The following ATP10B variants were observed in gnomAD, a reference collection of about 807,000 sequenced individuals.
The protein encoded by ATP10B is phospholipid-transporting ATPase VB.
In ATP10B, 122 loss-of-function variants were observed where a neutral mutation model predicts 141.2. The observed-to-expected ratio is 0.86, with a 90% confidence interval of 0.75 to 1.00. ATP10B has a LOEUF of 1.00. Among genes scored for constraint, ATP10B ranks in the 50% least tolerant of loss-of-function variants. The pLI is 0.00. For missense variants in ATP10B, 1,876 were observed against 1,825.3 expected (o/e 1.03, Z -0.51); for synonymous variants, 685 against 692.0 (o/e 0.99, Z 0.16).
chr5:160,922,268 T>C, the ATP10B span, among the ~76,000 whole-genome samples: 14 of 152,302 alleles, frequency 9.2e-5, no homozygotes, highest in African/African-American at 2.4e-4. Context: ...GTTGAGTGTC[T>C]TGTAGCAAGT....
At chr5:160,805,276 A>C (rs1772696387) in intron 1 of ATP10B, among the ~76,000 whole-genome samples, 1 of 152,246 alleles carries the variant, frequency 6.6e-6, no homozygotes, top group Non-Finnish European at 1.5e-5. Context: ...GCTGATGACA[A>C]AAATAATTTA....
the ATP10B span, among the ~76,000 whole-genome samples, chr5:160,864,071 C>T: frequency 6.6e-6 from 1 of 151,872 alleles, no homozygotes; most frequent in South Asian, 2.1e-4. Context: ...AGAGGGAATC[C>T]TCCCTAAGTT....
chr5:160,809,985 T>A (rs1015231792), intron 1 of ATP10B, among the ~76,000 whole-genome samples: 6 of 152,194 alleles, frequency 3.9e-5, no homozygotes, highest in Non-Finnish European at 7.4e-5. Context: ...ATTGGTCAGG[T>A]AACCTAAAGC....
chr5:160,635,072 G>T (rs1024383734), intron 11 of ATP10B, among the ~76,000 whole-genome samples: 1 of 152,192 alleles, frequency 6.6e-6, no homozygotes, highest in African/African-American at 2.4e-5. Flanking sequence ...TGGCTTTGAA[G>T]AACTTGCCTT....
At chr5:160,877,066 G>A in the ATP10B span, among the ~76,000 whole-genome samples, 21,076 of 151,910 alleles carry the variant, frequency 0.14, 1,577 homozygotes, top group African/African-American at 0.19. Context: ...TACCAAAGCC[G>A]GACAGAGACA....
chr5:160,862,528 G>A, the ATP10B span, among the ~76,000 whole-genome samples: 69 of 152,004 alleles, frequency 4.5e-4, no homozygotes, highest in African/African-American at 1.6e-3. Flanking sequence ...GACCCTGTGG[G>A]GTCCTCAGCC....
intron 1 of ATP10B, among the ~76,000 whole-genome samples, chr5:160,789,447 C>G (rs114334256): frequency 6.6e-6 from 1 of 152,208 alleles, no homozygotes; most frequent in Non-Finnish European, 1.5e-5. Context: ...TTACTAAATA[C>G]TGTAGGTCAT....
chr5:160,652,895 A>ATACATGTAT (rs1206569364), intron 7 of ATP10B, among the ~76,000 whole-genome samples: 1 of 68,222 alleles, frequency 1.5e-5, no homozygotes, highest in Non-Finnish European at 2.5e-5. Flanking sequence ...ATAATTATAT[A>ATACATGTAT]ATATATTATA....
chr5:160,801,765 T>C (rs560253662), intron 1 of ATP10B, among the ~76,000 whole-genome samples: 17 of 152,220 alleles, frequency 1.1e-4, no homozygotes, highest in Non-Finnish European at 2.1e-4. Flanking sequence ...AGTTCACCAG[T>C]TAATGAGACA....
chr5:160,683,949 TG>T (rs1251331657), intron 6 of ATP10B, among the ~76,000 whole-genome samples: 3 of 152,258 alleles, frequency 2.0e-5, no homozygotes, highest in African/African-American at 7.2e-5. Context: ...ATGAAACCTT[TG>T]TAGAACAATG....
chr5:160,634,391 G>T lies in ATP10B; in HGVS notation c.1344C>A (p.Cys448Ter). 1 of 1,614,162 alleles carries T rather than the reference G, an allele frequency of 6.2e-7. No individual in the cohort carries two copies. ...LTENKMVFRR[C>*]TIMGSEYSHQ... ...GAGAATACTCGCTGCCCATGATGGT[G>T]CAACGTCGGAACACCATCTTGTTCT... Residue 448 changes from cysteine to a stop codon, truncating the protein, a stop_gained, in exon 12 of 26, where the codon TGC becomes TGA. Transcript: ENST00000327245. LOFTEE classifies it high-confidence loss of function.
the ATP10B span, among the ~76,000 whole-genome samples, chr5:160,916,756 C>A: frequency 1.3e-5 from 2 of 152,190 alleles, no homozygotes; most frequent in Non-Finnish European, 2.9e-5. Context: ...TTCTGTTACC[C>A]TCTAATAGCC....
intron 2 of ATP10B, among the ~76,000 whole-genome samples, chr5:160,765,538 CTCTTA>C (rs1464262453): frequency 4.6e-5 from 7 of 152,126 alleles, no homozygotes; most frequent in Non-Finnish European, 8.8e-5. Context: ...GGATCCTTAT[CTCTTA>C]TCTTATACAA....
chr5:160,592,160 T>C (rs1756348960), intron 22 of ATP10B, among the ~76,000 whole-genome samples: 1 of 152,204 alleles, frequency 6.6e-6, no homozygotes, highest in African/African-American at 2.4e-5. Context: ...CTTAGTCTAT[T>C]TGATACCAGC....
rs558112235 is a variant in ATP10B at position 160,669,109 on chromosome 5, T to C, written c.675+1354A>G. On this transcript the variant is annotated intron_variant, in intron 7 of 25. Coordinates refer to ENST00000327245, the MANE Select transcript of ATP10B (RefSeq NM_025153.3). Reference sequence around the variant, plus strand: ...GGCAGAATGAAGAAAAGTGATAAAATTGTACTCTTTTCCCTGGTTAAAGAA... The same window carrying C: ...GGCAGAATGAAGAAAAGTGATAAAACTGTACTCTTTTCCCTGGTTAAAGAA... 7.9e-5 allele frequency among the ~76,000 whole-genome samples: 12 copies of C among 152,346 alleles called. No individual in the cohort carries two copies. The South Asian group carries it at 2.5e-3, about 32-fold the overall frequency.
At chr5:160,609,768 A>G (rs935791254) in intron 18 of ATP10B, among the ~76,000 whole-genome samples, 3 of 152,228 alleles carry the variant, frequency 2.0e-5, no homozygotes, top group African/African-American at 4.8e-5. Flanking sequence ...TGCAGGCACT[A>G]GAATATGCAT....
intron 22 of ATP10B, among the ~76,000 whole-genome samples, chr5:160,594,156 C>T (rs1756518316): frequency 6.6e-6 from 1 of 152,204 alleles, no homozygotes; most frequent in Non-Finnish European, 1.5e-5. Flanking sequence ...AGGTTACCCA[C>T]AAAGGGAAGC....
At chr5:160,660,796 G>T (rs1761858745) in intron 7 of ATP10B, among the ~76,000 whole-genome samples, 1 of 152,158 alleles carries the variant, frequency 6.6e-6, no homozygotes, top group Admixed American at 6.5e-5. Flanking sequence ...ACCCCAGTCC[G>T]ACTTAGGCAC....
intron 1 of ATP10B, among the ~76,000 whole-genome samples, chr5:160,794,226 A>G (rs550278247): frequency 6.6e-6 from 1 of 152,264 alleles, no homozygotes; most frequent in East Asian, 1.9e-4. Context: ...TGTAAGGATC[A>G]GGGGAGCAGT....
Sources: allele counts gnomAD v4.1 joint callset (sites outside exome capture counted in the v4.1 genomes callset), GRCh38; gene constraint gnomAD v4.1.1; transcripts MANE v1.5; gene names NCBI Gene and HGNC (gene_info 2026-07-23, HGNC 2026-07-21).